CAST: variants seen among roughly 807,000 people sequenced by gnomAD.
CAST encodes calpastatin.
In CAST, 76 loss-of-function variants were observed where a neutral mutation model predicts 119.6. The observed-to-expected ratio is 0.64, with a 90% confidence interval of 0.53 to 0.77. CAST has a LOEUF of 0.77. Ranked by LOEUF, CAST falls within the 30% of genes least tolerant of loss-of-function variation. CAST has a pLI of 0.00. For missense variants in CAST, 953 were observed against 946.5 expected (o/e 1.01, Z -0.09); for synonymous variants, 319 against 331.6 (o/e 0.96, Z 0.41).
chr5:96,405,238 T>C, the CAST span, among the ~76,000 whole-genome samples: 2 of 152,220 alleles, frequency 1.3e-5, no homozygotes, highest in East Asian at 3.9e-4. Context: ...AATTAAATTC[T>C]TATGATAAGC....
At chr5:96,004,370 T>C in the CAST span, among the ~76,000 whole-genome samples, 1 of 152,368 alleles carries the variant, frequency 6.6e-6, no homozygotes, top group East Asian at 1.9e-4. Context: ...AAGGATGACT[T>C]GTTCCTAGGA....
At chr5:96,041,020 G>C in the CAST span, among the ~76,000 whole-genome samples, 1 of 152,066 alleles carries the variant, frequency 6.6e-6, no homozygotes, top group African/African-American at 2.4e-5. Flanking sequence ...TTGGTTGGTA[G>C]GCTATTAATT....
At chr5:96,326,099 C>G in the CAST span, among the ~76,000 whole-genome samples, 1 of 152,168 alleles carries the variant, frequency 6.6e-6, no homozygotes, top group African/African-American at 2.4e-5. Flanking sequence ...TTTTCCCCAC[C>G]CCCTATTACC....
intron 2 of CAST, among the ~76,000 whole-genome samples, chr5:96,683,844 A>G (rs529596811): frequency 6.6e-6 from 1 of 152,340 alleles, no homozygotes; most frequent in African/African-American, 2.4e-5. Flanking sequence ...AAAGCAATCT[A>G]TTTATCCTAA....
intron 1 of CAST, among the ~76,000 whole-genome samples, chr5:96,594,712 C>A (rs1459020150): frequency 6.6e-6 from 1 of 152,122 alleles, no homozygotes; most frequent in Non-Finnish European, 1.5e-5. Flanking sequence ...TTTTATTTTG[C>A]AGTAAATCCT....
the CAST span, among the ~76,000 whole-genome samples, chr5:96,463,911 C>T: frequency 6.6e-6 from 1 of 151,994 alleles, no homozygotes; most frequent in Non-Finnish European, 1.5e-5. Flanking sequence ...TTTAACTTCT[C>T]TATTTTGACG....
At chr5:96,682,945 G>A (rs775979583) in intron 2 of CAST, among the ~76,000 whole-genome samples, 22 of 152,000 alleles carry the variant, frequency 1.4e-4, no homozygotes, top group Non-Finnish European at 3.1e-4. Context: ...GGTGCAGCAT[G>A]CTACTGCCAC....
chr5:96,365,523 A>G, the CAST span, among the ~76,000 whole-genome samples: 6 of 152,296 alleles, frequency 3.9e-5, 1 homozygote, highest in South Asian at 4.1e-4. Context: ...TTGGGTGCAT[A>G]TATATTTAGG....
intron 1 of CAST, among the ~76,000 whole-genome samples, chr5:96,530,676 G>A (rs979893655): frequency 3.3e-5 from 5 of 152,114 alleles, no homozygotes. Context: ...CTGGAGGAAC[G>A]GCTTCTTTGA....
the CAST span, among the ~76,000 whole-genome samples, chr5:96,251,584 G>C: frequency 6.6e-6 from 1 of 152,054 alleles, no homozygotes; most frequent in Non-Finnish European, 1.5e-5. Context: ...TTTGCACCTG[G>C]TCTCTGAAAG....
chr5:96,361,355 G>T, the CAST span, among the ~76,000 whole-genome samples: 1 of 152,062 alleles, frequency 6.6e-6, no homozygotes, highest in African/African-American at 2.4e-5. Context: ...TGTTTCGCTG[G>T]CATTCCAGGC....
intron 1 of CAST, among the ~76,000 whole-genome samples, chr5:96,552,519 A>G (rs903228386): frequency 2.0e-5 from 3 of 152,204 alleles, no homozygotes; most frequent in Admixed American, 2.0e-4. Flanking sequence ...CTAAAGAAGC[A>G]AGAGCAAACA....
At chr5:96,482,154 C>G in the CAST span, among the ~76,000 whole-genome samples, 7 of 152,026 alleles carry the variant, frequency 4.6e-5, no homozygotes, top group Non-Finnish European at 8.8e-5. Flanking sequence ...TGAAGATTTT[C>G]TTATCCATAG....
chr5:96,575,670 TCTCA>T (rs1341399515), intron 1 of CAST, among the ~76,000 whole-genome samples: 4 of 151,268 alleles, frequency 2.6e-5, no homozygotes, highest in Admixed American at 2.0e-4. Context: ...TAAGACGGAG[TCTCA>T]CTCTGTCACC....
the CAST span, among the ~76,000 whole-genome samples, chr5:96,247,067 A>AT: frequency 2.0e-5 from 3 of 152,188 alleles, no homozygotes; most frequent in African/African-American, 7.2e-5. Flanking sequence ...ATTTCTATGA[A>AT]TTTTATTTGG....
chr5:96,292,924 C>T, the CAST span, among the ~76,000 whole-genome samples: 2 of 152,190 alleles, frequency 1.3e-5, no homozygotes, highest in Non-Finnish European at 1.5e-5. Context: ...GTTTGGTTTT[C>T]TGACGTCTTC....
At chr5:96,508,570 C>G in the CAST span, among the ~76,000 whole-genome samples, 14 of 152,114 alleles carry the variant, frequency 9.2e-5, no homozygotes, top group Non-Finnish European at 1.8e-4. Flanking sequence ...TCTTCTTACC[C>G]TAGATATGTG....
the CAST span, among the ~76,000 whole-genome samples, chr5:96,292,309 C>T: frequency 5.3e-5 from 8 of 152,158 alleles, no homozygotes; most frequent in African/African-American, 7.2e-5. Context: ...CTTAGGACTC[C>T]GTTTCCAATA....
chr5:96,039,122 G>C, the CAST span, among the ~76,000 whole-genome samples: 5 of 152,150 alleles, frequency 3.3e-5, no homozygotes. Context: ...CTAATGACCA[G>C]TGATGATGAA....
Sources: allele counts gnomAD v4.1 joint callset (sites outside exome capture counted in the v4.1 genomes callset), GRCh38; gene constraint gnomAD v4.1.1; transcripts MANE v1.5; gene names NCBI Gene and HGNC (gene_info 2026-07-23, HGNC 2026-07-21).